The following NAP1L4 variants were observed in gnomAD, a reference collection of about 807,000 sequenced individuals.
NAP1L4 encodes the protein nucleosome assembly protein 1 like 4, also known as nucleosome assembly protein 1-like 4.
A neutral mutation model predicts 58.2 loss-of-function variants in NAP1L4; 15 were observed. That is an observed-to-expected ratio of 0.26 (90% CI 0.17 to 0.40). The LOEUF is 0.40. Among genes scored for constraint, NAP1L4 ranks in the 10% least tolerant of loss-of-function variants. The pLI is 1.00. For missense variants in NAP1L4, 384 were observed against 451.1 expected, an observed-to-expected ratio of 0.85 and a Z score of 1.35; for synonymous variants, 171 against 155.6, an observed-to-expected ratio of 1.10 and a Z score of -0.74.
In NAP1L4 at chr11:2,959,601, T is replaced by A. The variant is rs2071114; in HGVS notation, c.746+169A>T. Among the ~76,000 whole-genome samples the A allele has an allele frequency of 6.6e-6, 1 of 152,128 alleles. No individual in the cohort carries two copies. Among genetic ancestry groups the A allele is most frequent in the Non-Finnish European group, 1.5e-5 (1 of 68,032 alleles). ...GCCGCCATCTCCAAGTTCTGCACTATGAGCATTCCCAAACTGAAAGACTAT... is the reference window on the plus strand; with the variant it reads ...GCCGCCATCTCCAAGTTCTGCACTAAGAGCATTCCCAAACTGAAAGACTAT... On this transcript the variant is annotated intron_variant, in intron 9 of 15. Coordinates refer to ENST00000380542, the MANE Select transcript of NAP1L4 (RefSeq NM_005969.4). This position sits in a 1 kb window ranked among gnomAD's most constrained non-coding sequence, Gnocchi z 4.9.
At position 2,955,748 on chromosome 11, in the gene NAP1L4, G is replaced by A; in HGVS notation, c.911C>T (p.Ser304Leu). The change falls in exon 11 of 16, where the codon TCA (serine) becomes TTA (leucine). Residue 304 changes from serine (S) to leucine (L), a missense_variant. Physicochemically the swap from Ser to Leu is moderately radical, Grantham distance 145. Around this residue, in one of 3 missense-constraint regions of NAP1L4, gnomAD observed 296 missense variants for 360.8 expected, o/e 0.82. Coordinates refer to ENST00000380542, the MANE Select transcript of NAP1L4 (RefSeq NM_005969.4). The surrounding 1 kb of genome is among the most constrained non-coding windows in gnomAD (Gnocchi z 4.2). ...ACTATTAACAACAAATCTTACCAGT[G>A]ATTCTCCATCCCCGGATGCTAGAAA... ...NPLKASGDGE[S>L]LDEDSEFTLA... is the part of the protein sequence containing the mutation. 2 of 1,612,516 alleles carry A rather than the reference G, an allele frequency of 1.2e-6. No homozygotes were observed. The highest frequency in any genetic ancestry group is 1.7e-6 in the Non-Finnish European group (2 of 1,178,996).
At position 2,951,636 on chromosome 11, in the gene NAP1L4, T is replaced by C; in HGVS notation, c.1065+144A>G. On this transcript the variant is annotated intron_variant, in intron 13 of 15. Coordinates refer to ENST00000380542, the MANE Select transcript of NAP1L4 (RefSeq NM_005969.4). This position sits in a 1 kb window ranked among gnomAD's most constrained non-coding sequence, Gnocchi z 4.0. Reference sequence around the variant, plus strand: ...GCATTTGCTATGCATTTCTGCTTAGTGTTTTAAGAACATTCTTAGAATCAA... The same window carrying C: ...GCATTTGCTATGCATTTCTGCTTAGCGTTTTAAGAACATTCTTAGAATCAA... 1 of 785,886 alleles carries C rather than the reference T, an allele frequency of 1.3e-6. No individual in the cohort carries two copies. The highest frequency in any genetic ancestry group is 2.1e-6 in the Non-Finnish European group (1 of 475,432). 48.7% of individuals were successfully genotyped at this position (785,886 alleles called of 1,614,324 possible).
intron 14 of NAP1L4, chr11:2,950,965 T>C (rs1304538754): frequency 3.0e-6 from 1 of 338,038 alleles, no homozygotes; most frequent in Admixed American, 4.7e-5. Flanking sequence ...AATCATTACC[T>C]TACCTTAAAA....
chr11:2,975,112 A>C (rs1847872457), intron 4 of NAP1L4, among the ~76,000 whole-genome samples: 1 of 151,184 alleles, frequency 6.6e-6, no homozygotes, highest in Non-Finnish European at 1.5e-5. Context: ...CCAAGCCCTG[A>C]CCCAATTATA....
In NAP1L4 at chr11:2,946,944, G is replaced by A. The variant is rs931247354; in HGVS notation, c.*33-1298C>T. 2.0e-5 allele frequency among the ~76,000 whole-genome samples: 3 copies of A among 152,218 alleles called. No individual in the cohort carries two copies. The highest frequency in any genetic ancestry group is 4.4e-5 in the Non-Finnish European group (3 of 68,044). Reference sequence around the variant, plus strand: ...AGCAGTGAGGGGAGGAGTGGGACAAGCAGTGTGCCTCCACCAAGGGACTCG... The same window carrying A: ...AGCAGTGAGGGGAGGAGTGGGACAAACAGTGTGCCTCCACCAAGGGACTCG... On this transcript the variant is annotated intron_variant, in intron 15 of 15. Coordinates refer to ENST00000380542, the MANE Select transcript of NAP1L4 (RefSeq NM_005969.4). The surrounding 1 kb of genome is among the most constrained non-coding windows in gnomAD (Gnocchi z 4.8).
intron 7 of NAP1L4, 50 bp from the exon 8 acceptor site, chr11:2,964,801 CAT>C (rs752952296): frequency 2.2e-6 from 3 of 1,374,286 alleles, no homozygotes; most frequent in East Asian, 4.7e-5. Flanking sequence ...AAAAACAACA[CAT>C]CTCTCCCGAA....
chr11:2,973,221 T>A (rs879482395), intron 4 of NAP1L4, among the ~76,000 whole-genome samples: 1 of 152,248 alleles, frequency 6.6e-6, no homozygotes, highest in South Asian at 2.1e-4. Flanking sequence ...AGGTCAACTA[T>A]GAGTTTGCCT....
chr11:2,956,131 CAT>C (rs1418274848), intron 10 of NAP1L4, among the ~76,000 whole-genome samples: 1 of 152,244 alleles, frequency 6.6e-6, no homozygotes, highest in Admixed American at 6.5e-5. Context: ...AAACTTAACT[CAT>C]GTCCCGCAGA....
chr11:2,960,790 A>G (rs1228655074), intron 8 of NAP1L4, among the ~76,000 whole-genome samples: 5 of 152,220 alleles, frequency 3.3e-5, no homozygotes, highest in Admixed American at 2.6e-4. Context: ...GGATGGATGC[A>G]TCGATATGTG....
chr11:2,955,879 G>C lies in NAP1L4; in HGVS notation c.893-113C>G, dbSNP rs538098651. The C allele has an allele frequency of 4.2e-6, 4 of 960,804 alleles. No homozygotes were observed. Among genetic ancestry groups the C allele is most frequent in the Non-Finnish European group, 6.3e-6 (4 of 632,582 alleles). The allele number at this position is 960,804 out of a possible 1,614,324, so 59.5% of individuals were successfully genotyped here. On this transcript the variant is annotated intron_variant, in intron 10 of 15. Coordinates refer to ENST00000380542, the MANE Select transcript of NAP1L4 (RefSeq NM_005969.4). The surrounding 1 kb of genome is among the most constrained non-coding windows in gnomAD (Gnocchi z 4.2). ...GATAAAATGTAACATTTCTCACCTC[G>C]AGGTTTAACAGAAATCCCCAAAGCC...
Position 2,988,344 on chromosome 11 carries a change from C to T in NAP1L4, c.-18+3910G>A, listed in dbSNP as rs189808252. On this transcript the variant is annotated intron_variant, in intron 1 of 15. Coordinates refer to ENST00000380542, the MANE Select transcript of NAP1L4 (RefSeq NM_005969.4). The stretch of plus-strand genomic sequence containing the variant: ...GTCAATAAGGCACTTCCCTCTCTAC[C>T]TATTTCATATTGCAACCACCAAAGT... Among the ~76,000 whole-genome samples the T allele has an allele frequency of 6.6e-4, 100 of 152,302 alleles. 1 individual carries two copies. The East Asian group carries it at 0.018, about 28-fold the overall frequency.
At chr11:2,981,066 C>A (rs1848272702) in intron 1 of NAP1L4, among the ~76,000 whole-genome samples, 1 of 151,160 alleles carries the variant, frequency 6.6e-6, no homozygotes, top group Non-Finnish European at 1.5e-5. Flanking sequence ...CTCGTCTCTA[C>A]AAAAACAAAC....
At chr11:2,990,240 A>G (rs1848879333) in intron 1 of NAP1L4, 1 of 152,228 alleles carries the variant, frequency 6.6e-6, no homozygotes, top group African/African-American at 2.4e-5. Flanking sequence ...ACAGCTATTT[A>G]AGACGGCAGT....
intron 1 of NAP1L4, chr11:2,990,929 A>G (rs1848925847): frequency 2.8e-6 from 1 of 351,198 alleles, no homozygotes; most frequent in African/African-American, 2.1e-5. Flanking sequence ...CAACAACCTA[A>G]TCTACATATT....
Position 2,951,876 on chromosome 11 carries a change from T to C in NAP1L4, c.1036-67A>G. On this transcript the variant is annotated intron_variant, in intron 12 of 15. Transcript: ENST00000380542. The surrounding 1 kb of genome is among the most constrained non-coding windows in gnomAD (Gnocchi z 4.0). ...GACAGCAGCCTGCCCAAGACACCAG[T>C]CCCATCAAGTGACTCACTGACCAAG... 1.4e-6 allele frequency: 2 copies of C among 1,475,350 alleles called. No homozygotes were observed. Among genetic ancestry groups the C allele is most frequent in the Non-Finnish European group, 1.9e-6 (2 of 1,057,274 alleles). 91.4% of individuals were successfully genotyped at this position (1,475,350 alleles called of 1,614,324 possible). A position where few individuals can be genotyped will look rare whatever the true frequency, so the allele number is the denominator to read the frequency against.
chr11:2,991,249 GA>G (rs1218434871), intron 1 of NAP1L4: 13 of 426,332 alleles, frequency 3.0e-5, no homozygotes, highest in Non-Finnish European at 6.3e-5. Flanking sequence ...ATCAGACTTA[GA>G]GAACTGTGGA....
At chr11:2,975,501 C>A (rs536711232) in intron 4 of NAP1L4, among the ~76,000 whole-genome samples, 1 of 151,942 alleles carries the variant, frequency 6.6e-6, no homozygotes, top group Non-Finnish European at 1.5e-5. Context: ...GAGGCTGAGG[C>A]GGGAGAACCA....
intron 1 of NAP1L4, chr11:2,991,846 C>G (rs1009125897): frequency 6.6e-6 from 1 of 152,248 alleles, no homozygotes; most frequent in African/African-American, 2.4e-5. Context: ...GTAACCGCCA[C>G]AGCCCCCGCA....
In NAP1L4 at chr11:2,951,837, G is replaced by C; in HGVS notation, c.1036-28C>G. 1 of 1,612,588 alleles carries C rather than the reference G, an allele frequency of 6.2e-7. No homozygotes were observed. On this transcript the variant is annotated intron_variant, in intron 12 of 15. Coordinates refer to ENST00000380542, the MANE Select transcript of NAP1L4 (RefSeq NM_005969.4). The surrounding 1 kb of genome is among the most constrained non-coding windows in gnomAD (Gnocchi z 4.0). Reference sequence around the variant, plus strand: ...GGAGAAACACAGAAAAACATTTTTAGGTTTACAAAACATGACAGCAGCCTG... The same window carrying C: ...GGAGAAACACAGAAAAACATTTTTACGTTTACAAAACATGACAGCAGCCTG...
Sources: allele counts gnomAD v4.1 joint callset (sites outside exome capture counted in the v4.1 genomes callset), GRCh38; gene constraint gnomAD v4.1.1; regional missense constraint gnomAD v4.1.1; non-coding constraint Gnocchi (gnomAD v3.1); transcripts MANE v1.5; gene names NCBI Gene and HGNC (gene_info 2026-07-23, HGNC 2026-07-21).